The following SLC25A28 variants were observed in gnomAD, a reference collection of about 807,000 sequenced individuals.
SLC25A28 encodes mitoferrin-2.
A neutral mutation model predicts 31.9 loss-of-function variants in SLC25A28; 10 were observed. The ratio of observed to expected loss-of-function variants is 0.31; its 90% CI spans 0.19 to 0.53. The LOEUF (loss-of-function observed/expected upper bound fraction) is 0.53. SLC25A28 is among the 20% of genes least tolerant of loss of function. The pLI is 0.95. For synonymous variants in SLC25A28, 208 were observed against 203.6 expected, an observed-to-expected ratio of 1.02 and a Z score of -0.19; for missense variants, 256 against 490.3, an observed-to-expected ratio of 0.52 and a Z score of 4.51.
At chr10:99,620,513 C>A (rs2133364558), upstream of SLC25A28, 3 of 1,039,302 alleles carry the variant, frequency 2.9e-6, no homozygotes, top group African/African-American at 1.7e-5. Context: ...CAAGTTAGAC[C>A]CACCCCTTTC....
the SLC25A28 span, among the ~76,000 whole-genome samples, chr10:99,644,758 A>G: frequency 1.3e-5 from 2 of 152,206 alleles, no homozygotes; most frequent in Non-Finnish European, 2.9e-5. Flanking sequence ...TGGTGGTGAC[A>G]AAATCTCTCA....
At chr10:99,634,107 A>G in the SLC25A28 span, among the ~76,000 whole-genome samples, 1 of 152,224 alleles carries the variant, frequency 6.6e-6, no homozygotes, top group Non-Finnish European at 1.5e-5. Context: ...GGAGAGTACT[A>G]CATCAAGGGA....
the SLC25A28 span, among the ~76,000 whole-genome samples, chr10:99,651,216 C>G: frequency 6.6e-6 from 1 of 152,158 alleles, no homozygotes; most frequent in Non-Finnish European, 1.5e-5. Context: ...AATATATCTA[C>G]TTACTCTTCT....
chr10:99,616,148 A>G (rs2034647700), intron 1 of SLC25A28: 1 of 985,300 alleles, frequency 1.0e-6, no homozygotes, highest in Non-Finnish European at 1.2e-6. Context: ...AAAAACCTCA[A>G]TGTGAAAAAC....
At chr10:99,628,001 A>G in the SLC25A28 span, among the ~76,000 whole-genome samples, 1 of 152,154 alleles carries the variant, frequency 6.6e-6, no homozygotes, top group Non-Finnish European at 1.5e-5. Flanking sequence ...TTTTATTTAC[A>G]TCACCGATAC....
the SLC25A28 span, among the ~76,000 whole-genome samples, chr10:99,633,671 G>GAAA: frequency 2.2e-5 from 3 of 138,994 alleles, no homozygotes; most frequent in Non-Finnish European, 3.1e-5. Flanking sequence ...TCTGTCTTAA[G>GAAA]AAAAAAAAAA....
At chr10:99,620,496 G>A (rs1171832553), upstream of SLC25A28, 3 of 1,044,764 alleles carry the variant, frequency 2.9e-6, no homozygotes, top group East Asian at 2.5e-4. Flanking sequence ...ACCATTGGTG[G>A]AGACGCCAAG....
chr10:99,610,812 A>T lies in SLC25A28; in HGVS notation c.*37T>A, dbSNP rs1367906847. The T allele has an allele frequency of 1.3e-6, 2 of 1,591,536 alleles. No individual in the cohort carries two copies. Among genetic ancestry groups the T allele is most frequent in the East Asian group, 2.2e-5 (1 of 44,652 alleles). On this transcript the variant is annotated 3_prime_UTR_variant, in exon 4 of 4. Coordinates refer to ENST00000370495, the MANE Select transcript of SLC25A28 (RefSeq NM_031212.4). ...ACAGAGAATGTGACCAGGATGCAGC[A>T]GTGTCATCTGAACCCCTGGCTTCGT...
chr10:99,611,987 G>A lies in SLC25A28; in HGVS notation c.577+556C>T, dbSNP rs146912913. On this transcript the variant is annotated intron_variant, in intron 3 of 3. Transcript: ENST00000370495. This position sits in a 1 kb window ranked among gnomAD's most constrained non-coding sequence, Gnocchi z 5.5. ...CCATGGCCTTGCCCAGACAGAAAAT[G>A]AACGTGGCAACAATGCTATCCCTTC... is the stretch of plus-strand genomic sequence containing the variant. 3.3e-5 allele frequency among the ~76,000 whole-genome samples: 5 copies of A among 152,320 alleles called. No homozygotes were observed. In the South Asian group the frequency reaches 1.0e-3, roughly 32 times the overall value.
chr10:99,656,040 GAAGGTACTTCTGGAAT>G, the SLC25A28 span, among the ~76,000 whole-genome samples: 54 of 152,310 alleles, frequency 3.5e-4, no homozygotes, highest in African/African-American at 1.3e-3. Context: ...ACTTCTGGAA[GAAGGTACTTCTGGAAT>G]AGGCTGTCAG....
chr10:99,616,297 A>T, intron 1 of SLC25A28: 1 of 830,448 alleles, frequency 1.2e-6, no homozygotes, highest in Non-Finnish European at 1.5e-6. Flanking sequence ...TATGTCACTT[A>T]ACCTCTTTAA....
At chr10:99,655,945 C>A in the SLC25A28 span, among the ~76,000 whole-genome samples, 2 of 152,220 alleles carry the variant, frequency 1.3e-5, no homozygotes, top group African/African-American at 4.8e-5. Flanking sequence ...GGATCTCCCA[C>A]GCCATGCTAA....
chr10:99,658,645 T>A, the SLC25A28 span, among the ~76,000 whole-genome samples: 6 of 152,064 alleles, frequency 3.9e-5, no homozygotes, highest in African/African-American at 1.4e-4. Context: ...AGGGGCAGAA[T>A]GAGCAAAACA....
chr10:99,649,739 T>G, the SLC25A28 span, among the ~76,000 whole-genome samples: 8 of 152,236 alleles, frequency 5.3e-5, no homozygotes, highest in Admixed American at 5.2e-4. Context: ...TATTCTAGTT[T>G]CTGGGCATAC....
chr10:99,610,712 C>A lies in SLC25A28; in HGVS notation c.*137G>T. On this transcript the variant is annotated 3_prime_UTR_variant, in exon 4 of 4. Transcript: ENST00000370495. ...GAGGTTGGCAGGAACTGGTGTTAGTCAAAACACCAAAATCCTGGGGGAGAG... is the reference window on the plus strand; with the variant it reads ...GAGGTTGGCAGGAACTGGTGTTAGTAAAAACACCAAAATCCTGGGGGAGAG... 1 of 1,168,356 alleles carries A rather than the reference C, an allele frequency of 8.6e-7. No individual in the cohort carries two copies. The allele number at this position is 1,168,356 out of a possible 1,614,324, so 72.4% of individuals were successfully genotyped here.
chr10:99,642,408 CATTG>C, the SLC25A28 span, among the ~76,000 whole-genome samples: 3 of 152,130 alleles, frequency 2.0e-5, no homozygotes, highest in Non-Finnish European at 4.4e-5. Context: ...GATTTTTGCA[CATTG>C]ATTTTGTATC....
At chr10:99,654,779 G>C in the SLC25A28 span, among the ~76,000 whole-genome samples, 1 of 152,182 alleles carries the variant, frequency 6.6e-6, no homozygotes, top group Non-Finnish European at 1.5e-5. Context: ...ATATTGCCCA[G>C]GCTGGAGTGC....
chr10:99,620,057 G>T lies in SLC25A28; in HGVS notation c.279C>A (p.Ile93=). The change falls in exon 1 of 4, where the codon ATC becomes ATA. Residue 93 remains isoleucine (I), a synonymous_variant. Transcript: ENST00000370495. The stretch of plus-strand genomic sequence containing the variant: ...GTGCAGGTCTCACCTTGACGCAGTC[G>T]ATGGGGTACATCACGCAGTGCTCCA... ...GILEHCVMYP[I]DCVKTRMQSL... The T allele has an allele frequency of 6.3e-7, 1 of 1,581,994 alleles. No individual in the cohort carries two copies.
chr10:99,610,565 C>T lies in SLC25A28; in HGVS notation c.*284G>A, dbSNP rs953495329. On this transcript the variant is annotated 3_prime_UTR_variant, in exon 4 of 4. Transcript: ENST00000370495. Reference sequence around the variant, plus strand: ...TATTAGGAACCAGGGGAATGAGCTGCTTATCCCTCTATAACAGTCTAGAGC... The same window carrying T: ...TATTAGGAACCAGGGGAATGAGCTGTTTATCCCTCTATAACAGTCTAGAGC... The T allele has an allele frequency of 2.8e-5, 11 of 387,386 alleles. No individual in the cohort carries two copies. Among genetic ancestry groups the T allele is most frequent in the Admixed American group, 4.0e-5 (1 of 24,694 alleles). The allele number at this position is 387,386 out of a possible 1,614,324, so 24.0% of individuals were successfully genotyped here.
Sources: gnomAD v4.1 joint callset for allele counts (sites outside exome capture counted in the v4.1 genomes callset) on GRCh38, gnomAD v4.1.1 for gene constraint, Gnocchi (gnomAD v3.1) non-coding constraint, MANE v1.5 for transcripts, NCBI Gene and HGNC (gene_info 2026-07-23, HGNC 2026-07-21) for gene names.